The following PCDHGA6 variants were observed in gnomAD, a reference collection of about 807,000 sequenced individuals.
The protein encoded by PCDHGA6 is protocadherin gamma-A6.
Under a neutral mutation model 60.6 loss-of-function variants are expected in PCDHGA6, and 41 were observed. That is an observed-to-expected ratio of 0.68 (90% CI 0.53 to 0.88). PCDHGA6 has a LOEUF of 0.88. Ranked by LOEUF, PCDHGA6 falls within the 40% of genes least tolerant of loss-of-function variation. The pLI is 0.00. For synonymous variants in PCDHGA6, 594 were observed against 524.4 expected (o/e 1.13, Z -1.81); for missense variants, 1,312 against 1,203.0 (o/e 1.09, Z -1.34).
chr5:141,413,176 A>G lies in PCDHGA6; in HGVS notation c.2424+36669A>G, dbSNP rs758582296. 252 of 1,601,774 alleles carry G rather than the reference A, an allele frequency of 1.6e-4. 1 individual carries two copies. Among genetic ancestry groups the G allele is most frequent in the Non-Finnish European group, 2.1e-4 (243 of 1,173,006 alleles). Reference sequence around the variant, plus strand: ...TGCAGAATTCTGTAACCAGACTACAATGGCCGCTCAAAGGAATCGCTCAAA... The same window carrying G: ...TGCAGAATTCTGTAACCAGACTACAGTGGCCGCTCAAAGGAATCGCTCAAA... On this transcript the variant is annotated intron_variant, in intron 1 of 3. Coordinates refer to ENST00000517434, the MANE Select transcript of PCDHGA6 (RefSeq NM_018919.3).
intron 1 of PCDHGA6, among the ~76,000 whole-genome samples, chr5:141,452,455 C>T (rs2098741536): frequency 6.6e-6 from 1 of 152,208 alleles, no homozygotes; most frequent in Non-Finnish European, 1.5e-5. Flanking sequence ...GCCTTGTCAG[C>T]AGACGGAGCT....
chr5:141,400,501 G>A lies in PCDHGA6; in HGVS notation c.2424+23994G>A, dbSNP rs574905149. 3.4e-5 allele frequency: 55 copies of A among 1,613,996 alleles called. 1 individual carries two copies. The East Asian group carries it at 1.1e-3, about 33-fold the overall frequency. On this transcript the variant is annotated intron_variant, in intron 1 of 3. Coordinates refer to ENST00000517434, the MANE Select transcript of PCDHGA6 (RefSeq NM_018919.3). ...CTTATTTCCACTTTGTAATTCCAGC[G>A]AGTCGACTTCCCATCCTGAGTTGGT... is the stretch of plus-strand genomic sequence containing the variant.
intron 2 of PCDHGA6, among the ~76,000 whole-genome samples, chr5:141,499,689 CTTTTTT>C (rs545067566): frequency 3.3e-5 from 4 of 119,854 alleles, no homozygotes; most frequent in Admixed American, 8.7e-5. Flanking sequence ...TAACAGATGA[CTTTTTT>C]TTTTTTTTTT....
In PCDHGA6 at chr5:141,374,747, C is replaced by A. The variant is rs764039295; in HGVS notation, c.664C>A (p.Arg222Ser). The A allele has an allele frequency of 1.9e-6, 3 of 1,612,140 alleles. No individual in the cohort carries two copies. Among genetic ancestry groups the A allele is most frequent in the Non-Finnish European group, 2.5e-6 (3 of 1,179,074 alleles). ...TGCCATGGATGGCGGCGACCCTGTC[C>A]GCTCAAGCGTCGCCCAAATTCTGGT... ...LTAMDGGDPV[R>S]SSVAQILVTV... The change falls in exon 1 of 4, where the codon CGC (arginine) becomes AGC (serine). Residue 222 changes from arginine to serine, a missense_variant. By Grantham distance (110) the Arg-to-Ser change is moderately radical (BLOSUM62 -1). Coordinates refer to ENST00000517434, the MANE Select transcript of PCDHGA6 (RefSeq NM_018919.3).
rs112731052 is a variant in PCDHGA6 at position 141,457,109 on chromosome 5, A to G, written c.2425-37698A>G. ...TATAAGGATACTAATTAAGCAAAAT[A>G]CGACAGCAATGGAAACTCTGTCCAA... is the stretch of plus-strand genomic sequence containing the variant. On this transcript the variant is annotated intron_variant, in intron 1 of 3. Coordinates refer to ENST00000517434, the MANE Select transcript of PCDHGA6 (RefSeq NM_018919.3). 8.3e-3 allele frequency among the ~76,000 whole-genome samples: 1,258 copies of G among 152,360 alleles called. 17 individuals are homozygous for G. Among genetic ancestry groups the G allele is most frequent in the African/African-American group, 0.029 (1,195 of 41,578 alleles).
At chr5:141,505,259 C>T in intron 2 of PCDHGA6, 134 bp from the exon 3 acceptor site, 2 of 1,500,262 alleles carry the variant, frequency 1.3e-6, no homozygotes, top group Admixed American at 2.0e-5. Flanking sequence ...GTGCCTCCTA[C>T]CTTGCTGAGA....
chr5:141,373,979 C>A lies in PCDHGA6; in HGVS notation c.-105C>A. ...TGACCTGAAACGCTTCGCATCCGGT[C>A]TCTGCTTGTTGAAGGACCTTCACCG... On this transcript the variant is annotated 5_prime_UTR_variant, in exon 1 of 4. Transcript: ENST00000517434. The A allele has an allele frequency of 9.0e-7, 1 of 1,107,704 alleles. No homozygotes were observed. The highest frequency in any genetic ancestry group is 1.2e-6 in the Non-Finnish European group (1 of 823,432). The allele number at this position is 1,107,704 out of a possible 1,614,324, so 68.6% of individuals were successfully genotyped here. A position where few individuals can be genotyped will look rare whatever the true frequency, so the allele number is the denominator to read the frequency against.
At chr5:141,484,352 T>A (rs112226980) in intron 1 of PCDHGA6, among the ~76,000 whole-genome samples, 8,127 of 152,270 alleles carry the variant, frequency 0.053, 445 homozygotes, top group African/African-American at 0.15. Context: ...TAATTTAGTG[T>A]ATCTAGTGTA....
intron 1 of PCDHGA6, chr5:141,394,415 C>G: frequency 6.2e-7 from 1 of 1,614,242 alleles, no homozygotes; most frequent in Non-Finnish European, 8.5e-7. Flanking sequence ...TGGTAACAGC[C>G]AGCGACAGCG....
At chr5:141,400,227 C>A (rs760084071) in intron 1 of PCDHGA6, 2 of 1,614,052 alleles carry the variant, frequency 1.2e-6, no homozygotes, top group Non-Finnish European at 1.7e-6. Flanking sequence ...TGCTCTTCCT[C>A]CTGGCCGTGA....
intron 1 of PCDHGA6, chr5:141,398,001 A>T: frequency 5.0e-6 from 7 of 1,388,802 alleles, no homozygotes; most frequent in African/African-American, 4.4e-5. Flanking sequence ...CCTCCTCGGA[A>T]AAAGAATCGT....
In PCDHGA6 at chr5:141,432,113, T is replaced by G. The variant is rs1174697940; in HGVS notation, c.2424+55606T>G. 1 of 1,614,078 alleles carries G rather than the reference T, an allele frequency of 6.2e-7. No homozygotes were observed. The highest frequency in any genetic ancestry group is 8.5e-7 in the Non-Finnish European group (1 of 1,180,006). On this transcript the variant is annotated intron_variant, in intron 1 of 3. Coordinates refer to ENST00000517434, the MANE Select transcript of PCDHGA6 (RefSeq NM_018919.3). The surrounding 1 kb of genome is among the most constrained non-coding windows in gnomAD (Gnocchi z 6.0). ...AGACACCAACGACAACCCGCCGGTC[T>G]TCCCTCAGGCCTCCTATTCCGCTTA... is the stretch of plus-strand genomic sequence containing the variant.
intron 1 of PCDHGA6, chr5:141,408,375 T>C: frequency 6.2e-7 from 1 of 1,613,972 alleles, no homozygotes; most frequent in Non-Finnish European, 8.5e-7. Context: ...GGGCTCAGTG[T>C]CCTGGATGTG....
At chr5:141,414,085 G>C (rs1459185694) in intron 1 of PCDHGA6, 1 of 1,600,126 alleles carries the variant, frequency 6.2e-7, no homozygotes, top group Non-Finnish European at 8.5e-7. Context: ...ATATACTGGA[G>C]AAATAAAAAT....
At chr5:141,406,025 G>A (rs1367856742) in intron 1 of PCDHGA6, among the ~76,000 whole-genome samples, 1 of 151,502 alleles carries the variant, frequency 6.6e-6, no homozygotes, top group Non-Finnish European at 1.5e-5. Flanking sequence ...TTTTGGGTAG[G>A]GTTGCTTCAT....
chr5:141,385,508 G>T (rs1430201636), intron 1 of PCDHGA6: 6 of 1,372,088 alleles, frequency 4.4e-6, no homozygotes, highest in Non-Finnish European at 5.6e-6. Flanking sequence ...TATTTCTTTA[G>T]TGAAAGCCTA....
chr5:141,410,645 A>G (rs755117096), intron 1 of PCDHGA6: 11 of 1,597,402 alleles, frequency 6.9e-6, no homozygotes, highest in Non-Finnish European at 9.3e-6. Flanking sequence ...TTTGTGTGTG[A>G]TTTATCTAAT....
At chr5:141,413,318 T>C in intron 1 of PCDHGA6, 1 of 1,613,968 alleles carries the variant, frequency 6.2e-7, no homozygotes, top group Non-Finnish European at 8.5e-7. Flanking sequence ...AAAGGCTCTT[T>C]CGTGGGCAAC....
At position 141,494,704 on chromosome 5, in the gene PCDHGA6, T is replaced by C. The variant is rs2099756232; in HGVS notation, c.2425-103T>C. Reference sequence around the variant, plus strand: ...CCCCCTCTTAGTCCGTTTTCTTCTCTGTGCCCACTCCCCTCCTTCTCTCCC... The same window carrying C: ...CCCCCTCTTAGTCCGTTTTCTTCTCCGTGCCCACTCCCCTCCTTCTCTCCC... On this transcript the variant is annotated intron_variant, in intron 1 of 3. Transcript: ENST00000517434. The C allele has an allele frequency of 3.1e-6, 5 of 1,597,570 alleles. No individual in the cohort carries two copies. The Admixed American group carries it at 8.5e-5, about 27-fold the overall frequency.
Sources: gnomAD v4.1 joint callset for allele counts (sites outside exome capture counted in the v4.1 genomes callset) on GRCh38, gnomAD v4.1.1 for gene constraint, Gnocchi (gnomAD v3.1) non-coding constraint, MANE v1.5 for transcripts, NCBI Gene and HGNC (gene_info 2026-07-23, HGNC 2026-07-21) for gene names.